MARCHF8: variants seen among roughly 807,000 people sequenced by gnomAD.
MARCHF8 encodes the protein membrane associated ring-CH-type finger 8, also known as E3 ubiquitin-protein ligase MARCHF8.
MARCHF8 carries 40 observed loss-of-function variants against 51.6 expected under a neutral mutation model. That is an observed-to-expected ratio of 0.77 (90% CI 0.60 to 1.01). The LOEUF (loss-of-function observed/expected upper bound fraction) is 1.01. Among genes scored for constraint, MARCHF8 ranks in the 50% least tolerant of loss-of-function variants. The pLI is 0.00. For missense variants in MARCHF8, 685 were observed against 708.6 expected (o/e 0.97, Z 0.38); for synonymous variants, 263 against 280.3 (o/e 0.94, Z 0.62).
At chr10:45,554,193 A>G (rs2044227096) in intron 1 of MARCHF8, among the ~76,000 whole-genome samples, 1 of 152,244 alleles carries the variant, frequency 6.6e-6, no homozygotes, top group South Asian at 2.1e-4. Context: ...TTCAGTAATC[A>G]TATTGTTAGC....
At chr10:45,512,334 C>T (rs993619342) in intron 2 of MARCHF8, among the ~76,000 whole-genome samples, 7 of 151,564 alleles carry the variant, frequency 4.6e-5, no homozygotes, top group South Asian at 2.1e-4. Context: ...GCAGCCACCC[C>T]GTCCGGGAGG....
chr10:45,592,984 C>G (rs900093964), intron 1 of MARCHF8, among the ~76,000 whole-genome samples: 13 of 152,042 alleles, frequency 8.6e-5, no homozygotes, highest in Admixed American at 5.9e-4. Flanking sequence ...ATCTGGCAAA[C>G]CTAGCTGGAG....
At chr10:45,569,330 A>G (rs987705214) in intron 1 of MARCHF8, among the ~76,000 whole-genome samples, 1 of 152,130 alleles carries the variant, frequency 6.6e-6, no homozygotes, top group African/African-American at 2.4e-5. Flanking sequence ...AATTTCATCA[A>G]ATTTTTTTCA....
rs77939546 is a variant in MARCHF8 at position 45,475,683 on chromosome 10, G to T, written c.154-11356C>A. ...TGCCATCACCCATATCATGCCTGCTGCCCAGGAGCCCAAGAATTCACCCAC... is the reference window on the plus strand; with the variant it reads ...TGCCATCACCCATATCATGCCTGCTTCCCAGGAGCCCAAGAATTCACCCAC... On this transcript the variant is annotated intron_variant, in intron 3 of 7. Coordinates refer to ENST00000453424, the MANE Select transcript of MARCHF8 (RefSeq NM_001282866.2). 7.6e-4 allele frequency among the ~76,000 whole-genome samples: 116 copies of T among 152,220 alleles called. 2 individuals are homozygous for T. In the East Asian group the frequency reaches 0.022, roughly 29 times the overall value.
At chr10:45,556,234 G>A (rs528918185) in intron 1 of MARCHF8, among the ~76,000 whole-genome samples, 6 of 152,286 alleles carry the variant, frequency 3.9e-5, no homozygotes, top group South Asian at 4.1e-4. Context: ...AATGTAATGT[G>A]TAGACCTTGT....
chr10:45,581,275 A>G (rs2044552764), intron 1 of MARCHF8, among the ~76,000 whole-genome samples: 1 of 152,052 alleles, frequency 6.6e-6, no homozygotes, highest in Non-Finnish European at 1.5e-5. Flanking sequence ...CACAACAAAG[A>G]ATTATCCAAC....
intron 1 of MARCHF8, among the ~76,000 whole-genome samples, chr10:45,552,709 G>A (rs781155787): frequency 1.6e-4 from 24 of 152,148 alleles, no homozygotes; most frequent in Non-Finnish European, 1.6e-4. Flanking sequence ...GCTATCATTC[G>A]TCCCTAAAAT....
intron 1 of MARCHF8, among the ~76,000 whole-genome samples, chr10:45,568,180 T>C (rs527298344): frequency 2.0e-5 from 3 of 152,332 alleles, no homozygotes; most frequent in African/African-American, 7.2e-5. Flanking sequence ...GTGGAGTCTT[T>C]AGGTTTTTCC....
intron 3 of MARCHF8, among the ~76,000 whole-genome samples, chr10:45,480,655 G>A (rs2042869533): frequency 6.6e-6 from 1 of 152,224 alleles, no homozygotes; most frequent in South Asian, 2.1e-4. Context: ...ATGTGGTGTT[G>A]AGCCTGCGGG....
chr10:45,492,268 C>T (rs2043094531), intron 2 of MARCHF8, among the ~76,000 whole-genome samples: 3 of 151,954 alleles, frequency 2.0e-5, no homozygotes, highest in African/African-American at 7.3e-5. Flanking sequence ...CCAATAAACA[C>T]TGCTCTTTTT....
chr10:45,500,135 TAA>T, intron 2 of MARCHF8, among the ~76,000 whole-genome samples: 1 of 152,324 alleles, frequency 6.6e-6, no homozygotes, highest in Non-Finnish European at 1.5e-5. Flanking sequence ...TTTCTGTGTA[TAA>T]GTCTTTACCA....
rs559464123 is a variant in MARCHF8 at position 45,572,132 on chromosome 10, C to T, written c.-79+22103G>A. On this transcript the variant is annotated intron_variant, in intron 1 of 6. Transcript: ENST00000319836. ...TTACCCCTTCTCTCTGTGTCCCCAC[C>T]CCTTCTCCACTTTCCTGGGGGGCAA... Among the ~76,000 whole-genome samples the T allele has an allele frequency of 3.4e-4, 50 of 148,374 alleles. No individual in the cohort carries two copies. In the East Asian group the frequency reaches 9.7e-3, roughly 29 times the overall value.
chr10:45,550,473 A>T (rs192692905), intron 1 of MARCHF8, among the ~76,000 whole-genome samples: 1 of 152,306 alleles, frequency 6.6e-6, no homozygotes, highest in Non-Finnish European at 1.5e-5. Flanking sequence ...TCAGCATGTC[A>T]TTGTACAATG....
chr10:45,496,832 GA>G (rs1436793826), intron 2 of MARCHF8, among the ~76,000 whole-genome samples: 2 of 150,798 alleles, frequency 1.3e-5, no homozygotes, highest in Non-Finnish European at 3.0e-5. Flanking sequence ...AATAGCATTA[GA>G]AATCTTTTTT....
chr10:45,516,051 A>G (rs766937362), intron 2 of MARCHF8, among the ~76,000 whole-genome samples: 2 of 151,888 alleles, frequency 1.3e-5, no homozygotes, highest in Non-Finnish European at 2.9e-5. Flanking sequence ...AATCCTGACC[A>G]CCCACTCCCC....
At chr10:45,509,697 C>G (rs1420805272) in intron 2 of MARCHF8, among the ~76,000 whole-genome samples, 4 of 152,190 alleles carry the variant, frequency 2.6e-5, no homozygotes, top group African/African-American at 9.7e-5. Context: ...AACTGGCTTA[C>G]AGAGTTCCCA....
rs559300622 is a variant in MARCHF8, at chr10:45,520,901, T to C, written c.102+12209A>G. 9.2e-5 allele frequency among the ~76,000 whole-genome samples: 14 copies of C among 152,352 alleles called. No individual in the cohort carries two copies. The South Asian group carries it at 2.7e-3, about 29-fold the overall frequency. On this transcript the variant is annotated intron_variant, in intron 2 of 7. Coordinates refer to ENST00000453424, the MANE Select transcript of MARCHF8 (RefSeq NM_001282866.2). Reference sequence around the variant, plus strand: ...TTTGTTGAATGATACACATTTCAACTGAAAGAAATCACAAAATACTTTTAA... The same window carrying C: ...TTTGTTGAATGATACACATTTCAACCGAAAGAAATCACAAAATACTTTTAA...
intron 1 of MARCHF8, among the ~76,000 whole-genome samples, chr10:45,534,687 G>A (rs1054191666): frequency 1.3e-5 from 2 of 152,154 alleles, no homozygotes; most frequent in Non-Finnish European, 2.9e-5. Flanking sequence ...TTAACCATGT[G>A]CTGGGGTAGG....
At chr10:45,479,195 C>G (rs975008277) in intron 3 of MARCHF8, among the ~76,000 whole-genome samples, 1 of 152,106 alleles carries the variant, frequency 6.6e-6, no homozygotes, top group African/African-American at 2.4e-5. Context: ...TCATCACATG[C>G]AAATCAATAA....
Sources: allele counts gnomAD v4.1 joint callset (sites outside exome capture counted in the v4.1 genomes callset), GRCh38; gene constraint gnomAD v4.1.1; transcripts MANE v1.5; gene names NCBI Gene and HGNC (gene_info 2026-07-23, HGNC 2026-07-21).